Variants in SLIT2 observed in about 807,000 individuals in gnomAD.
SLIT2 encodes the protein slit homolog 2 protein.
Under a neutral mutation model 185.7 loss-of-function variants are expected in SLIT2, and 41 were observed. That is an observed-to-expected ratio of 0.22 (90% confidence interval 0.17 to 0.29). The LOEUF is 0.29. Ranked by LOEUF, SLIT2 falls within the 10% of genes least tolerant of loss-of-function variation. SLIT2 has a pLI of 1.00. For missense variants in SLIT2, 1,571 were observed against 1,909.0 expected, an observed-to-expected ratio of 0.82 and a Z score of 3.30; for synonymous variants, 693 against 680.2, an observed-to-expected ratio of 1.02 and a Z score of -0.29.
chr4:20,259,494 C>A (rs1489022149), intron 3 of SLIT2, among the ~76,000 whole-genome samples: 2 of 151,574 alleles, frequency 1.3e-5, no homozygotes, highest in Non-Finnish European at 3.0e-5. Context: ...GCTTTTTATG[C>A]AGTCTCTATT....
At chr4:20,341,702 A>G (rs925903030) in intron 4 of SLIT2, among the ~76,000 whole-genome samples, 2 of 152,220 alleles carry the variant, frequency 1.3e-5, no homozygotes, top group Non-Finnish European at 2.9e-5. Context: ...TCAACAAAAC[A>G]GCCATTTAAC....
chr4:20,402,591 A>T (rs1726446775), intron 4 of SLIT2, among the ~76,000 whole-genome samples: 1 of 151,912 alleles, frequency 6.6e-6, no homozygotes, highest in African/African-American at 2.4e-5. Context: ...AAATTTATTT[A>T]TCTAGGTACA....
intron 4 of SLIT2, among the ~76,000 whole-genome samples, chr4:20,363,192 G>A (rs1722873249): frequency 6.6e-6 from 1 of 152,060 alleles, no homozygotes; most frequent in East Asian, 1.9e-4. Context: ...ATTAAAATTA[G>A]AGAATACAAA....
At chr4:20,449,110 A>T (rs1037059579) in intron 4 of SLIT2, among the ~76,000 whole-genome samples, 2 of 152,128 alleles carry the variant, frequency 1.3e-5, no homozygotes, top group Non-Finnish European at 2.9e-5. Context: ...AAATAATTAT[A>T]CTACTACCAA....
intron 4 of SLIT2, among the ~76,000 whole-genome samples, chr4:20,434,270 G>A (rs537370411): frequency 4.4e-4 from 67 of 151,854 alleles, no homozygotes; most frequent in African/African-American, 1.5e-3. Flanking sequence ...AGCAGATCAC[G>A]TGAGGTCGGG....
At chr4:20,533,477 A>G (rs1721983324) in intron 17 of SLIT2, 95 bp from the exon 18 acceptor site, 5 of 934,434 alleles carry the variant, frequency 5.4e-6, no homozygotes, top group Non-Finnish European at 8.2e-6. Context: ...AAAAGTTGGA[A>G]AACTTGGATC....
intron 21 of SLIT2, among the ~76,000 whole-genome samples, chr4:20,543,549 C>T (rs767668052): frequency 6.6e-5 from 10 of 152,166 alleles, no homozygotes; most frequent in Non-Finnish European, 1.2e-4. Context: ...GTAATTTATG[C>T]AGATGTGTAT....
chr4:20,380,124 C>T (rs1724371826), intron 4 of SLIT2, among the ~76,000 whole-genome samples: 1 of 152,082 alleles, frequency 6.6e-6, no homozygotes, highest in Non-Finnish European at 1.5e-5. Flanking sequence ...TGACTTTGTT[C>T]TTACCAGCAA....
At chr4:20,511,176 A>G (rs1265387223) in intron 11 of SLIT2, 39 bp downstream of exon 11, 4 of 1,296,744 alleles carry the variant, frequency 3.1e-6, no homozygotes, top group Non-Finnish European at 4.4e-6. Flanking sequence ...AAGAGAAGCC[A>G]CAACAAAGAG....
chr4:20,528,940 T>A lies in SLIT2; in HGVS notation c.1463-9T>A. The A allele has an allele frequency of 6.2e-7, 1 of 1,603,292 alleles. No individual in the cohort carries two copies. Among genetic ancestry groups the A allele is most frequent in the Non-Finnish European group, 8.5e-7 (1 of 1,174,416 alleles). On this transcript the variant is annotated splice_polypyrimidine_tract_variant and intron_variant, in intron 15 of 36. Transcript: ENST00000504154. This position sits in a 1 kb window ranked among gnomAD's most constrained non-coding sequence, Gnocchi z 4.2. ...TCAGTATCTTTTTTTTGGTTTGAATTCTCAATAGGTACAGAAGATTATCGA... is the reference window on the plus strand; with the variant it reads ...TCAGTATCTTTTTTTTGGTTTGAATACTCAATAGGTACAGAAGATTATCGA...
chr4:20,446,618 A>G (rs1190750831), intron 4 of SLIT2, among the ~76,000 whole-genome samples: 4 of 152,242 alleles, frequency 2.6e-5, no homozygotes, highest in African/African-American at 9.6e-5. Flanking sequence ...CAAAATTGCA[A>G]ATTAAGGAGA....
intron 4 of SLIT2, among the ~76,000 whole-genome samples, chr4:20,307,427 T>C (rs1438733581): frequency 6.6e-6 from 1 of 151,698 alleles, no homozygotes; most frequent in Non-Finnish European, 1.5e-5. Context: ...CACACTCGGA[T>C]AAATTCTTAA....
intron 4 of SLIT2, chr4:20,393,262 A>G (rs1395741096): frequency 6.6e-6 from 1 of 152,020 alleles, no homozygotes; most frequent in Non-Finnish European, 1.5e-5. Context: ...TACCGTTTGG[A>G]TTTCTTCTGA....
At chr4:20,337,416 G>T (rs914564816) in intron 4 of SLIT2, among the ~76,000 whole-genome samples, 2 of 151,596 alleles carry the variant, frequency 1.3e-5, no homozygotes, top group African/African-American at 4.8e-5. Context: ...CTCCCACTGG[G>T]TGCCTCCCAG....
chr4:20,518,157 A>G (rs1305774783), intron 11 of SLIT2, among the ~76,000 whole-genome samples: 1 of 144,038 alleles, frequency 6.9e-6, no homozygotes, highest in African/African-American at 2.5e-5. Context: ...ATATACATAT[A>G]CATACATATA....
Position 20,549,228 on chromosome 4 carries a change from G to A in SLIT2, c.2489+100G>A, listed in dbSNP as rs1250055569. 4.6e-6 allele frequency: 3 copies of A among 656,648 alleles called. No individual in the cohort carries two copies. In the African/African-American group the frequency reaches 5.5e-5, roughly 12 times the overall value. The allele number at this position is 656,648 out of a possible 1,614,324, so 40.7% of individuals were successfully genotyped here. On this transcript the variant is annotated intron_variant, in intron 24 of 36. Transcript: ENST00000504154. ...ACTGCTTTGTTGATTCTTGGTGCTTGAAGATACATGCATTAGGATTTATTA... is the reference window on the plus strand; with the variant it reads ...ACTGCTTTGTTGATTCTTGGTGCTTAAAGATACATGCATTAGGATTTATTA...
At chr4:20,477,991 A>C (rs1716303462) in intron 5 of SLIT2, among the ~76,000 whole-genome samples, 1 of 152,168 alleles carries the variant, frequency 6.6e-6, no homozygotes, top group Non-Finnish European at 1.5e-5. Flanking sequence ...GAGCAGGGTG[A>C]AACAAAAAGA....
intron 4 of SLIT2, among the ~76,000 whole-genome samples, chr4:20,381,949 A>C (rs545070898): frequency 1.3e-5 from 2 of 151,676 alleles, no homozygotes; most frequent in South Asian, 4.2e-4. Context: ...ATAAATACAA[A>C]ACTGTATTTA....
Position 20,275,726 on chromosome 4 carries a change from C to T in SLIT2, c.395+6845C>T, listed in dbSNP as rs577575341. On this transcript the variant is annotated intron_variant, in intron 4 of 36. Coordinates refer to ENST00000504154, the MANE Select transcript of SLIT2 (RefSeq NM_004787.4). ...CAGGATATTCTTAATGAGATCTCTT[C>T]ATGCTCTCCCAGTTGATGATTCATA... Among the ~76,000 whole-genome samples, 24 of 152,244 alleles carry T rather than the reference C, an allele frequency of 1.6e-4. No homozygotes were observed. In the South Asian group the frequency reaches 4.1e-3, roughly 26 times the overall value.
Sources: gnomAD v4.1 joint callset for allele counts (sites outside exome capture counted in the v4.1 genomes callset) on GRCh38, gnomAD v4.1.1 for gene constraint, Gnocchi (gnomAD v3.1) non-coding constraint, MANE v1.5 for transcripts, NCBI Gene and HGNC (gene_info 2026-07-23, HGNC 2026-07-21) for gene names.